FABP6: variants seen among roughly 807,000 people sequenced by gnomAD.
FABP6 encodes the protein gastrotropin.
FABP6 carries 13 observed loss-of-function variants against 14.9 expected under a neutral mutation model. The observed-to-expected ratio is 0.87, with a 90% CI of 0.57 to 1.39. The LOEUF (loss-of-function observed/expected upper bound fraction) is 1.39. Among genes scored for constraint, FABP6 ranks in the 40% most tolerant of loss-of-function variants. FABP6 has a pLI of 0.00. For missense variants in FABP6, 161 were observed against 167.2 expected (o/e 0.96, Z 0.20); for synonymous variants, 75 against 63.6 (o/e 1.18, Z -0.85).
chr5:160,232,250 A>G lies in FABP6; in HGVS notation c.220A>G (p.Thr74Ala), dbSNP rs1329408790. 2 of 1,610,762 alleles carry G rather than the reference A, an allele frequency of 1.2e-6. No homozygotes were observed. The highest frequency in any genetic ancestry group is 2.2e-5 in the South Asian group (2 of 90,470). ...FTVGKESNIQTMGGKTFKATV... is the reference protein window; with the variant it reads ...FTVGKESNIQAMGGKTFKATV... ...TGTTGGCAAGGAAAGCAACATACAG[A>G]CAATGGGGGGCAAGACGTTCAAGGT... Residue 74 changes from threonine to alanine, a missense_variant, in exon 2 of 4, where the codon ACA (threonine) becomes GCA (alanine). Thr to Ala is a moderately conservative substitution (Grantham distance 58). Coordinates refer to ENST00000402432, the MANE Select transcript of FABP6 (RefSeq NM_001445.3).
At chr5:160,235,773 T>TTCTC (rs141776542) in intron 3 of FABP6, among the ~76,000 whole-genome samples, 6 of 150,232 alleles carry the variant, frequency 4.0e-5, no homozygotes, top group East Asian at 2.0e-4. Context: ...TCTTTGATCC[T>TTCTC]TCTCTCTCTC....
chr5:160,237,919 A>G (rs959089351), intron 3 of FABP6, among the ~76,000 whole-genome samples: 3 of 152,062 alleles, frequency 2.0e-5, no homozygotes, highest in South Asian at 2.1e-4. Context: ...CCCTCCTGTT[A>G]TCTAGTCAGT....
intron 2 of FABP6, among the ~76,000 whole-genome samples, chr5:160,232,549 A>G (rs572025384): frequency 4.5e-4 from 69 of 152,320 alleles, no homozygotes; most frequent in Non-Finnish European, 7.4e-4. Flanking sequence ...TAATCCTATG[A>G]AATTGCTACA....
At chr5:160,209,875 C>T (rs930271397) in intron 2 of FABP6, among the ~76,000 whole-genome samples, 1 of 152,144 alleles carries the variant, frequency 6.6e-6, no homozygotes, top group South Asian at 2.1e-4. Flanking sequence ...TATATACAGT[C>T]TCAGGTATTC....
chr5:160,208,722 A>T (rs373534012), intron 2 of FABP6, among the ~76,000 whole-genome samples: 55 of 152,118 alleles, frequency 3.6e-4, no homozygotes, highest in African/African-American at 1.2e-3. Context: ...GAGGCCAGGC[A>T]TGCAAGACAA....
intron 3 of FABP6, among the ~76,000 whole-genome samples, chr5:160,221,025 G>T (rs1760118099): frequency 6.8e-6 from 1 of 148,128 alleles, no homozygotes; most frequent in Non-Finnish European, 1.5e-5. Flanking sequence ...GGAGGCGGAG[G>T]TTGCAGTGAG....
intron 1 of FABP6, chr5:160,197,875 G>C (rs185257407): frequency 6.5e-6 from 1 of 153,390 alleles, no homozygotes; most frequent in East Asian, 1.9e-4. Flanking sequence ...TCTGTCCCTG[G>C]AGACCGCTTG....
At chr5:160,214,507 T>A (rs116482948) in intron 3 of FABP6, among the ~76,000 whole-genome samples, 1,894 of 147,092 alleles carry the variant, frequency 0.013, 16 homozygotes, top group Middle Eastern at 0.021. Context: ...AGAGACGGGG[T>A]CTCCCTGTGT....
chr5:160,227,117 C>G (rs537279027), upstream of FABP6, among the ~76,000 whole-genome samples: 34 of 152,302 alleles, frequency 2.2e-4, no homozygotes, highest in African/African-American at 7.9e-4. Flanking sequence ...TACTCTGGAG[C>G]TGTTGAACAG....
At position 160,229,546 on chromosome 5, in the gene FABP6, C is replaced by T; in HGVS notation, c.-12C>T. On this transcript the variant is annotated 5_prime_UTR_variant, in exon 1 of 4. Transcript: ENST00000402432. ...CATCCCTCTGCTCTCTGGCCTCCAG[C>T]CTCCCAGCAGCATGGCTTTCACCGG... The T allele has an allele frequency of 1.2e-6, 2 of 1,613,918 alleles. No individual in the cohort carries two copies. The highest frequency in any genetic ancestry group is 1.7e-6 in the Non-Finnish European group (2 of 1,179,870).
chr5:160,232,354 G>A (rs755034194), intron 2 of FABP6, 81 bp downstream of exon 2: 10 of 1,390,988 alleles, frequency 7.2e-6, no homozygotes, highest in Middle Eastern at 2.4e-4. Context: ...CCCCGCTCCC[G>A]AGCTGAGGCT....
At chr5:160,209,694 A>T (rs573209956) in intron 2 of FABP6, among the ~76,000 whole-genome samples, 1 of 152,138 alleles carries the variant, frequency 6.6e-6, no homozygotes, top group African/African-American at 2.4e-5. Context: ...GCAATAAATC[A>T]TCGTCTTTTT....
intron 3 of FABP6, among the ~76,000 whole-genome samples, chr5:160,214,624 T>G (rs1580911598): frequency 6.6e-6 from 1 of 151,940 alleles, no homozygotes; most frequent in Admixed American, 6.6e-5. Flanking sequence ...ATTTCTTGAC[T>G]TGTGACTCAA....
intron 2 of FABP6, among the ~76,000 whole-genome samples, chr5:160,208,860 T>A (rs1759825757): frequency 6.6e-6 from 1 of 150,746 alleles, no homozygotes; most frequent in Non-Finnish European, 1.5e-5. Context: ...CACTGCAACC[T>A]CTGCCTCCCG....
At chr5:160,221,705 G>T (rs1350455402) in intron 3 of FABP6, among the ~76,000 whole-genome samples, 1 of 106,546 alleles carries the variant, frequency 9.4e-6, no homozygotes, top group African/African-American at 4.6e-5. Context: ...AATAATGGAT[G>T]GAGTTTTTTT....
intron 1 of FABP6, among the ~76,000 whole-genome samples, chr5:160,188,576 C>T (rs1759335376): frequency 6.6e-6 from 1 of 152,202 alleles, no homozygotes; most frequent in Non-Finnish European, 1.5e-5. Flanking sequence ...CACCGACCCT[C>T]CGGGGACCCC....
intron 1 of FABP6, among the ~76,000 whole-genome samples, chr5:160,189,439 C>T (rs1451662548): frequency 6.6e-6 from 1 of 152,174 alleles, no homozygotes; most frequent in Non-Finnish European, 1.5e-5. Flanking sequence ...GATGGGGTTT[C>T]ACCATGTTGG....
chr5:160,236,470 G>A (rs1370607709), intron 3 of FABP6, among the ~76,000 whole-genome samples: 5 of 152,112 alleles, frequency 3.3e-5, no homozygotes, highest in Admixed American at 3.3e-4. Flanking sequence ...CAGTCCATAA[G>A]ATGGCCCAAG....
At chr5:160,227,542 A>AAAAAAAT (rs1561754041), upstream of FABP6, among the ~76,000 whole-genome samples, 1 of 150,054 alleles carries the variant, frequency 6.7e-6, no homozygotes, top group Non-Finnish European at 1.5e-5. Flanking sequence ...AAAAAAAAAA[A>AAAAAAAT]AGGCATGGTG....
Sources: gnomAD v4.1 joint callset for allele counts (sites outside exome capture counted in the v4.1 genomes callset) on GRCh38, gnomAD v4.1.1 for gene constraint, MANE v1.5 for transcripts, NCBI Gene and HGNC (gene_info 2026-07-23, HGNC 2026-07-21) for gene names.